Variants in BMP7 observed in about 807,000 individuals in gnomAD.
BMP7 encodes osteogenic protein 1.
In BMP7, 12 loss-of-function variants were observed where a neutral mutation model predicts 41.2. The observed-to-expected ratio is 0.29, with a 90% CI of 0.19 to 0.47. BMP7 has a LOEUF of 0.47. Among genes scored for constraint, BMP7 ranks in the 20% least tolerant of loss-of-function variants. The pLI is 0.99. For synonymous variants in BMP7, 248 were observed against 250.0 expected, an observed-to-expected ratio of 0.99 and a Z score of 0.07; for missense variants, 467 against 606.0, an observed-to-expected ratio of 0.77 and a Z score of 2.41.
chr20:57,199,016 G>C (rs1156313685), intron 3 of BMP7, among the ~76,000 whole-genome samples: 3 of 152,150 alleles, frequency 2.0e-5, no homozygotes, highest in Non-Finnish European at 4.4e-5. Flanking sequence ...TACCCCTTCT[G>C]GATGATGACA....
At chr20:57,200,030 GA>G (rs754834554) in intron 3 of BMP7, among the ~76,000 whole-genome samples, 3 of 152,236 alleles carry the variant, frequency 2.0e-5, no homozygotes, top group South Asian at 4.1e-4. Context: ...GGTGGGCTCT[GA>G]AATATGGAGC....
intron 3 of BMP7, among the ~76,000 whole-genome samples, chr20:57,195,091 G>A (rs1316726968): frequency 6.6e-6 from 1 of 152,224 alleles, no homozygotes; most frequent in Non-Finnish European, 1.5e-5. Context: ...TGGCACCGCT[G>A]GCAAACCCCA....
intron 3 of BMP7, among the ~76,000 whole-genome samples, chr20:57,198,340 A>G (rs1304823315): frequency 6.6e-6 from 1 of 152,086 alleles, no homozygotes; most frequent in African/African-American, 2.4e-5. Context: ...GGACACAGCC[A>G]GTCCATGGGT....
At chr20:57,240,566 T>C (rs1026204731) in intron 1 of BMP7, among the ~76,000 whole-genome samples, 1 of 152,234 alleles carries the variant, frequency 6.6e-6, no homozygotes, top group African/African-American at 2.4e-5. Flanking sequence ...CCCACTTTAC[T>C]GGTACCAATT....
chr20:57,260,295 G>A (rs1191852662), intron 1 of BMP7, among the ~76,000 whole-genome samples: 6 of 152,118 alleles, frequency 3.9e-5, no homozygotes, highest in Non-Finnish European at 8.8e-5. Context: ...GAACCAGCTC[G>A]CTTCTTGAAG....
chr20:57,241,878 A>G (rs971498373), intron 1 of BMP7, among the ~76,000 whole-genome samples: 4 of 152,198 alleles, frequency 2.6e-5, no homozygotes, highest in Non-Finnish European at 5.9e-5. Flanking sequence ...GGGATGGGGC[A>G]GGGAGAGGGA....
rs142693632 is a variant in BMP7 at position 57,202,623 on chromosome 20, C to T, written c.612G>A (p.Arg204=). The part of the protein sequence containing the change: ...VYQVLQEHLG[R]ESDLFLLDSR... ...TGTCGAGCAGGAAGAGATCCGATTC[C>T]CTGCGAGAGAGGAGGAGAGACACGG... Residue 204 remains arginine, a splice_region_variant and synonymous_variant, in exon 3 of 7, where the codon AGG becomes AGA. Transcript: ENST00000395863. 1 of 1,610,820 alleles carries T rather than the reference C, an allele frequency of 6.2e-7. No individual in the cohort carries two copies.
At chr20:57,212,836 T>C (rs1984926431) in intron 2 of BMP7, among the ~76,000 whole-genome samples, 1 of 152,052 alleles carries the variant, frequency 6.6e-6, no homozygotes, top group African/African-American at 2.4e-5. Flanking sequence ...GTCCAAGGGG[T>C]GCCCCTTCTG....
intron 3 of BMP7, among the ~76,000 whole-genome samples, chr20:57,202,084 C>A (rs925167306): frequency 3.3e-5 from 5 of 152,284 alleles, no homozygotes; most frequent in Non-Finnish European, 7.3e-5. Flanking sequence ...CTGCTAAACA[C>A]CCTGCCGTGC....
intron 1 of BMP7, among the ~76,000 whole-genome samples, chr20:57,248,945 C>G (rs2066100811): frequency 1.3e-5 from 2 of 151,984 alleles, no homozygotes; most frequent in South Asian, 4.2e-4. Context: ...ACTACAGGTG[C>G]CCACCACCAC....
At chr20:57,262,749 A>G (rs929440511) in intron 1 of BMP7, among the ~76,000 whole-genome samples, 2 of 152,010 alleles carry the variant, frequency 1.3e-5, no homozygotes, top group African/African-American at 4.8e-5. Flanking sequence ...CTCCCACCAT[A>G]ATAAGAAGTA....
intron 1 of BMP7, among the ~76,000 whole-genome samples, chr20:57,230,699 CAG>C (rs2066025845): frequency 6.8e-6 from 1 of 146,952 alleles, no homozygotes; most frequent in Admixed American, 6.8e-5. Flanking sequence ...TTTTTTGAGA[CAG>C]AGTCTCGCTC....
chr20:57,221,541 G>A (rs1022825986), intron 2 of BMP7, among the ~76,000 whole-genome samples: 21 of 152,070 alleles, frequency 1.4e-4, no homozygotes, highest in African/African-American at 5.1e-4. Flanking sequence ...GAGCAGGCAC[G>A]GTGGTTCATG....
chr20:57,256,967 G>A (rs1000350194), intron 1 of BMP7, among the ~76,000 whole-genome samples: 3 of 152,052 alleles, frequency 2.0e-5, no homozygotes, highest in Non-Finnish European at 4.4e-5. Flanking sequence ...GACAAAAATA[G>A]AAATTTTTGA....
At chr20:57,239,828 A>T (rs1202788095) in intron 1 of BMP7, among the ~76,000 whole-genome samples, 2 of 151,954 alleles carry the variant, frequency 1.3e-5, no homozygotes, top group African/African-American at 4.8e-5. Flanking sequence ...CTGTACATTG[A>T]CCCCTTTCAG....
intron 1 of BMP7, among the ~76,000 whole-genome samples, chr20:57,235,033 C>T (rs1410160409): frequency 2.0e-5 from 3 of 152,250 alleles, no homozygotes; most frequent in Admixed American, 6.5e-5. Flanking sequence ...CCCTCCCAAA[C>T]ACCAGTCCCT....
At position 57,213,144 on chromosome 20, in the gene BMP7, GCTGT is replaced by G; in HGVS notation, c.612-10525_612-10522del. Among the ~76,000 whole-genome samples, 1 of 152,268 alleles carries G rather than the reference GCTGT, an allele frequency of 6.6e-6. No individual in the cohort carries two copies. The highest frequency in any genetic ancestry group is 2.1e-4 in the South Asian group (1 of 4,828). On this transcript the variant is annotated intron_variant, in intron 2 of 6. Coordinates refer to ENST00000395863, the MANE Select transcript of BMP7 (RefSeq NM_001719.3). The surrounding 1 kb of genome is among the most constrained non-coding windows in gnomAD (Gnocchi z 4.4). ...CCACGGCCCTCTCACCCACCCCACGGCTGTCTGTCTCCCTCTGGGCAGGGCCAGC... is the reference window on the plus strand; with the variant it reads ...CCACGGCCCTCTCACCCACCCCACGGCTGTCTCCCTCTGGGCAGGGCCAGC...
rs1035491585 is a variant in BMP7 at position 57,190,100 on chromosome 20, C to G, written c.761-6181G>C. Among the ~76,000 whole-genome samples the G allele has an allele frequency of 3.9e-5, 6 of 152,244 alleles. No homozygotes were observed. In the East Asian group the frequency reaches 1.2e-3, roughly 29 times the overall value. On this transcript the variant is annotated intron_variant, in intron 3 of 6. Coordinates refer to ENST00000395863, the MANE Select transcript of BMP7 (RefSeq NM_001719.3). ...GGCCAGTGAGGCTGGAGAAGTGAGC[C>G]AGGAACCAGAGAGGTTGAGACTGGA...
chr20:57,255,799 C>CAAAAAAAAAAAAAAAA (rs3067106), intron 1 of BMP7, among the ~76,000 whole-genome samples: 44 of 48,574 alleles, frequency 9.1e-4, no homozygotes, highest in African/African-American at 1.4e-3. Flanking sequence ...GACTCCATCT[C>CAAAAAAAAAAAAAAAA]AAAAAAAAAA....
Sources: allele counts gnomAD v4.1 joint callset (sites outside exome capture counted in the v4.1 genomes callset), GRCh38; gene constraint gnomAD v4.1.1; non-coding constraint Gnocchi (gnomAD v3.1); transcripts MANE v1.5; gene names NCBI Gene and HGNC (gene_info 2026-07-23, HGNC 2026-07-21).